FTO: variants seen among roughly 807,000 people sequenced by gnomAD.
FTO encodes the protein FTO alpha-ketoglutarate dependent dioxygenase.
A neutral mutation model predicts 63.9 loss-of-function variants in FTO; 47 were observed. That is an observed-to-expected ratio of 0.74 (90% CI 0.58 to 0.94). The LOEUF (loss-of-function observed/expected upper bound fraction) is 0.94, where lower values mean the gene tolerates loss of function less well. Ranked by LOEUF, FTO falls within the 40% of genes least tolerant of loss-of-function variation. The pLI is 0.00. For missense variants in FTO, 562 were observed against 618.1 expected (o/e 0.91, Z 0.96); for synonymous variants, 207 against 224.4 (o/e 0.92, Z 0.69).
At chr16:53,996,720 C>T (rs2083939123) in intron 8 of FTO, among the ~76,000 whole-genome samples, 1 of 152,096 alleles carries the variant, frequency 6.6e-6, no homozygotes, top group East Asian at 1.9e-4. Context: ...AGGAAACTGA[C>T]AGTCATGGCA....
intron 7 of FTO, among the ~76,000 whole-genome samples, chr16:53,894,632 T>TTGTGTGTG (rs77253276): frequency 9.3e-5 from 14 of 150,762 alleles, no homozygotes; most frequent in East Asian, 2.0e-4. Context: ...TCACCAATTT[T>TTGTGTGTG]TGTGTGTGTG....
At chr16:54,098,200 A>G (rs1350105683) in intron 8 of FTO, among the ~76,000 whole-genome samples, 1 of 152,204 alleles carries the variant, frequency 6.6e-6, no homozygotes, top group Non-Finnish European at 1.5e-5. Context: ...TTTATAAATT[A>G]GCATTTTTCT....
At chr16:53,931,063 G>T (rs1230448224) in intron 7 of FTO, among the ~76,000 whole-genome samples, 1 of 152,096 alleles carries the variant, frequency 6.6e-6, no homozygotes, top group Non-Finnish European at 1.5e-5. Flanking sequence ...TCCCCTCTTA[G>T]AGGCTGTTCA....
At chr16:54,097,142 C>A (rs1323607044) in intron 8 of FTO, among the ~76,000 whole-genome samples, 3 of 151,964 alleles carry the variant, frequency 2.0e-5, no homozygotes, top group East Asian at 3.9e-4. Context: ...GATGGGAAGA[C>A]CTTTAGGGAT....
At chr16:53,813,488 AG>A (rs1176351176) in intron 2 of FTO, among the ~76,000 whole-genome samples, 1 of 152,152 alleles carries the variant, frequency 6.6e-6, no homozygotes, top group Non-Finnish European at 1.5e-5. Context: ...CTGGGATTAG[AG>A]GTGTGAGCCA....
chr16:53,922,324 A>G (rs2082025938), intron 7 of FTO, among the ~76,000 whole-genome samples: 2 of 152,154 alleles, frequency 1.3e-5, no homozygotes, highest in African/African-American at 4.8e-5. Context: ...AGAATTTCCC[A>G]TTGGCTTAAA....
At chr16:53,801,511 A>G (rs542225013) in intron 1 of FTO, among the ~76,000 whole-genome samples, 63 of 152,082 alleles carry the variant, frequency 4.1e-4, no homozygotes, top group African/African-American at 1.4e-3. Flanking sequence ...TATAGTTACC[A>G]TTTCTGATAC....
intron 1 of FTO, among the ~76,000 whole-genome samples, chr16:53,759,553 G>A (rs1180605859): frequency 6.6e-6 from 1 of 151,972 alleles, no homozygotes; most frequent in African/African-American, 2.4e-5. Flanking sequence ...AATTAGCTGG[G>A]CATGGTGGTG....
chr16:53,838,227 A>G (rs1249956625), intron 3 of FTO, among the ~76,000 whole-genome samples: 1 of 152,184 alleles, frequency 6.6e-6, no homozygotes, highest in African/African-American at 2.4e-5. Context: ...CTGCCTCAAG[A>G]TCTGTGACAT....
chr16:54,005,772 T>C (rs948928855), intron 8 of FTO, among the ~76,000 whole-genome samples: 10 of 152,208 alleles, frequency 6.6e-5, no homozygotes, highest in Non-Finnish European at 1.3e-4. Context: ...ACAAGTGGAC[T>C]GGAGCGGAAT....
chr16:53,754,934 G>A (rs1448361110), intron 1 of FTO, among the ~76,000 whole-genome samples: 3 of 151,692 alleles, frequency 2.0e-5, no homozygotes, highest in African/African-American at 7.3e-5. Flanking sequence ...TTTTGATAAC[G>A]GTATTAGAGA....
intron 4 of FTO, among the ~76,000 whole-genome samples, chr16:53,859,725 A>G (rs144577519): frequency 0.011 from 1,610 of 152,144 alleles, 28 homozygotes; most frequent in Non-Finnish European, 0.01. Flanking sequence ...CTAAATCAAA[A>G]CCACAATGAG....
chr16:53,984,288 C>A (rs1010153462), intron 8 of FTO, among the ~76,000 whole-genome samples: 21 of 140,608 alleles, frequency 1.5e-4, no homozygotes, highest in African/African-American at 5.3e-4. Context: ...AAAGTAATTA[C>A]TTTCCCTCCT....
intron 8 of FTO, among the ~76,000 whole-genome samples, chr16:54,073,768 T>G (rs1410115793): frequency 1.3e-5 from 2 of 152,168 alleles, no homozygotes; most frequent in Admixed American, 1.3e-4. Flanking sequence ...CTTTCTAATA[T>G]GAGTATTTAT....
intron 2 of FTO, among the ~76,000 whole-genome samples, chr16:53,819,317 A>G (rs8050133): frequency 0.77 from 116,969 of 151,834 alleles, 45,123 homozygotes; most frequent in African/African-American, 0.83. Context: ...CCACAGGTGC[A>G]TGCCACCACA....
At chr16:53,825,832 C>G (rs372302712) in intron 2 of FTO, 32 bp from the exon 3 acceptor site, 110 of 1,607,560 alleles carry the variant, frequency 6.8e-5, no homozygotes, top group Non-Finnish European at 9.0e-5. Flanking sequence ...AGCTATATAT[C>G]AACGTCTGTT....
intron 8 of FTO, among the ~76,000 whole-genome samples, chr16:54,018,995 A>T (rs2084526301): frequency 1.3e-5 from 2 of 152,182 alleles, no homozygotes; most frequent in Admixed American, 6.5e-5. Flanking sequence ...TGATATGATC[A>T]TAGGCCCAAT....
At chr16:53,806,879 G>T (rs1050524858) in intron 1 of FTO, among the ~76,000 whole-genome samples, 3 of 152,116 alleles carry the variant, frequency 2.0e-5, no homozygotes, top group Non-Finnish European at 4.4e-5. Flanking sequence ...GAGTTGACTG[G>T]TTACCCTCTC....
chr16:54,097,394 G>A (rs1219032886), intron 8 of FTO, among the ~76,000 whole-genome samples: 2 of 151,954 alleles, frequency 1.3e-5, no homozygotes, highest in African/African-American at 4.8e-5. Context: ...AGGCTGGAGT[G>A]CAGTGGTGTG....
Sources: gnomAD v4.1 joint callset for allele counts (sites outside exome capture counted in the v4.1 genomes callset) on GRCh38, gnomAD v4.1.1 for gene constraint, MANE v1.5 for transcripts, NCBI Gene and HGNC (gene_info 2026-07-23, HGNC 2026-07-21) for gene names.